The following CDC42BPG variants were observed in gnomAD, a reference collection of about 807,000 sequenced individuals.
The protein encoded by CDC42BPG is CDC42 binding protein kinase gamma, also known as serine/threonine-protein kinase MRCK gamma.
CDC42BPG carries 157 observed loss-of-function variants against 192.2 expected under a neutral mutation model. That is an observed-to-expected ratio of 0.82 (90% confidence interval 0.72 to 0.93). The LOEUF (loss-of-function observed/expected upper bound fraction) is 0.93, where lower values mean the gene tolerates loss of function less well. CDC42BPG is among the 40% of genes least tolerant of loss of function. The pLI, the probability that CDC42BPG is intolerant of heterozygous loss-of-function variation, is 0.00. For synonymous variants in CDC42BPG, 981 were observed against 918.5 expected, an observed-to-expected ratio of 1.07 and a Z score of -1.23; for missense variants, 1,992 against 2,122.1, an observed-to-expected ratio of 0.94 and a Z score of 1.20.
intron 13 of CDC42BPG, 41 bp downstream of exon 13, chr11:64,836,076 G>A (rs1565687745): frequency 1.1e-5 from 17 of 1,543,864 alleles, no homozygotes; most frequent in East Asian, 2.4e-5. Flanking sequence ...CACACTGGGG[G>A]CAGGGCCCAG....
chr11:64,838,149 G>A lies in CDC42BPG; in HGVS notation c.1139C>T (p.Pro380Leu), dbSNP rs149688117. The change falls in exon 9 of 37, where the codon CCG (proline) becomes CTG (leucine). Residue 380 changes from proline (P) to leucine (L), a missense_variant. Pro to Leu is a moderately conservative substitution (Grantham distance 98, BLOSUM62 -3). Transcript: ENST00000342711. Reference protein sequence around the residue: ...DTLNHPGTLPPPSHGAFSGHH... With the variant: ...DTLNHPGTLPLPSHGAFSGHH... ...GCCGGAGAAGGCCCCGTGGGAGGGC[G>A]GTGGCAGGGTCCCCTGCAGAGGGAG... The A allele has an allele frequency of 7.7e-5, 120 of 1,552,970 alleles. No homozygotes were observed. In the African/African-American group the frequency reaches 1.0e-3, roughly 13 times the overall value.
intron 28 of CDC42BPG, 85 bp downstream of exon 28, chr11:64,831,420 G>T: frequency 8.0e-7 from 1 of 1,255,386 alleles, no homozygotes; most frequent in Non-Finnish European, 1.1e-6. Flanking sequence ...GGAATGGGCA[G>T]TAGCAGTGGC....
intron 20 of CDC42BPG, 126 bp downstream of exon 20, chr11:64,834,140 T>C: frequency 7.3e-7 from 1 of 1,370,956 alleles, no homozygotes; most frequent in Middle Eastern, 2.5e-4. Context: ...GATGATGGAG[T>C]AAGCGGCAGA....
At position 64,831,233 on chromosome 11, in the gene CDC42BPG, A is replaced by AG. The variant is rs1942671328; in HGVS notation, c.3304+271_3304+272insC. 1.3e-5 allele frequency among the ~76,000 whole-genome samples: 2 copies of AG among 150,870 alleles called. 1 individual carries two copies. Among genetic ancestry groups the AG allele is most frequent in the South Asian group, 4.2e-4 (2 of 4,776 alleles). ...ACTCTGTCTCAAAAAAAGAAAAAGA[A>AG]AAAAAAAAAGCCTTTGTTCCTTCCA... On this transcript the variant is annotated intron_variant, in intron 28 of 36. Coordinates refer to ENST00000342711, the MANE Select transcript of CDC42BPG (RefSeq NM_017525.3).
At chr11:64,825,024 C>T (rs1257495369) in intron 36 of CDC42BPG, among the ~76,000 whole-genome samples, 6 of 152,104 alleles carry the variant, frequency 3.9e-5, no homozygotes, top group African/African-American at 1.4e-4. Context: ...TCAAGTGATT[C>T]TCCTGCCTCG....
Position 64,840,596 on chromosome 11 carries a change from C to T in CDC42BPG, c.389G>A (p.Trp130Ter). 6.2e-7 allele frequency: 1 copy of T among 1,613,970 alleles called. No individual in the cohort carries two copies. Among genetic ancestry groups the T allele is most frequent in the South Asian group, 1.1e-5 (1 of 91,092 alleles). The change falls in exon 4 of 37, where the codon TGG becomes TAG. Residue 130 changes from tryptophan to a stop codon, truncating the protein, a stop_gained. Coordinates refer to ENST00000342711, the MANE Select transcript of CDC42BPG (RefSeq NM_017525.3). LOFTEE classifies it high-confidence loss of function. ...RDVLVKGDSR[W>*]VTTLHYAFQD... ...GAAGGCATAGTGCAGAGTGGTCACC[C>T]AACGGCTGTCCCCTTTCACGAGCAC...
At chr11:64,841,994 G>A in intron 1 of CDC42BPG, 90 bp from the exon 2 acceptor site, 1 of 1,069,384 alleles carries the variant, frequency 9.4e-7, no homozygotes, top group Admixed American at 2.0e-5. Context: ...TGCCGCTCCT[G>A]TGAGCCCAGG....
rs368841374 is a variant in CDC42BPG at position 64,827,700 on chromosome 11, C to T, written c.4051G>A (p.Val1351Met). Reference protein sequence around the residue: ...DVRRAEWVQTVPLKKVRPLNP... With the variant: ...DVRRAEWVQTMPLKKVRPLNP... ...CGGACCCTCACCTTCTTGAGCGGCA[C>T]GGTCTGCACCCATTCTGCCCTCCTC... Residue 1351 changes from valine (V) to methionine (M), a missense_variant, in exon 31 of 37, where the codon GTG (valine) becomes ATG (methionine). By Grantham distance (21) the Val-to-Met change is conservative. This residue lies in a region of CDC42BPG where 1,656 missense variants were observed against 1,844.3 expected (regional missense o/e 0.90). Coordinates refer to ENST00000342711, the MANE Select transcript of CDC42BPG (RefSeq NM_017525.3). 2.5e-6 allele frequency: 4 copies of T among 1,611,800 alleles called. No individual in the cohort carries two copies. The highest frequency in any genetic ancestry group is 2.2e-5 in the South Asian group (2 of 90,876).
intron 3 of CDC42BPG, among the ~76,000 whole-genome samples, chr11:64,841,374 A>AC (rs1436642247): frequency 6.6e-6 from 1 of 150,506 alleles, no homozygotes; most frequent in African/African-American, 2.5e-5. Flanking sequence ...AATTACTTGA[A>AC]CTGGGAGGCG....
chr11:64,826,400 A>C, intron 36 of CDC42BPG, 70 bp downstream of exon 36: 1 of 1,045,984 alleles, frequency 9.6e-7, no homozygotes, highest in Non-Finnish European at 1.5e-6. Context: ...GTCACTGTGC[A>C]AGGCCTAGCA....
rs1592714146 is a variant in CDC42BPG, at chr11:64,837,074, C to T, written c.1206-55G>A. On this transcript the variant is annotated intron_variant, in intron 9 of 36. Transcript: ENST00000342711. The stretch of plus-strand genomic sequence containing the variant: ...GTAGAAACCTCACCCCACAGAGTCT[C>T]CTCCATCCTCCTGGACCGAATCACT... 6.7e-6 allele frequency: 9 copies of T among 1,344,220 alleles called. No individual in the cohort carries two copies. The South Asian group carries it at 1.0e-4, about 16-fold the overall frequency. 83.3% of individuals were successfully genotyped at this position (1,344,220 alleles called of 1,614,324 possible). A position where few individuals can be genotyped will look rare whatever the true frequency, so the allele number is the denominator to read the frequency against.
At position 64,844,451 on chromosome 11, in the gene CDC42BPG, G is replaced by A; in HGVS notation, c.119C>T (p.Pro40Leu). The A allele has an allele frequency of 6.8e-7, 1 of 1,474,480 alleles. No individual in the cohort carries two copies. 91.3% of individuals were successfully genotyped at this position (1,474,480 alleles called of 1,614,324 possible). A position where few individuals can be genotyped will look rare whatever the true frequency, so the allele number is the denominator to read the frequency against. ...LALHHELSSGPLRRERSVAQF... is the reference protein window; with the variant it reads ...LALHHELSSGLLRRERSVAQF... ...CGCCACGCTGCGCTCCCGCCGTAGG[G>A]GGCCGCTGCTGAGCTCGTGGTGCAG... The change falls in exon 1 of 37, where the codon CCC becomes CTC. Residue 40 changes from proline to leucine, a missense_variant. This residue lies in a region of CDC42BPG where 1,656 missense variants were observed against 1,844.3 expected (regional missense o/e 0.90). Transcript: ENST00000342711.
rs1163389991 is a variant in CDC42BPG at position 64,831,731 on chromosome 11, AG to A, written c.3088-11del. On this transcript the variant is annotated splice_polypyrimidine_tract_variant and intron_variant, in intron 27 of 36. Coordinates refer to ENST00000342711, the MANE Select transcript of CDC42BPG (RefSeq NM_017525.3). ...GCTGGGAGGTTGTCACCTGTGGGCAAGGACCCCAGCTGGAGGGCCGTGGACC... is the reference window on the plus strand; with the variant it reads ...GCTGGGAGGTTGTCACCTGTGGGCAAGACCCCAGCTGGAGGGCCGTGGACC... 1.9e-6 allele frequency: 3 copies of A among 1,579,802 alleles called. No homozygotes were observed. Among genetic ancestry groups the A allele is most frequent in the Non-Finnish European group, 1.7e-6 (2 of 1,166,658 alleles).
rs1284994980 is a variant in CDC42BPG at position 64,836,280 on chromosome 11, C to T, written c.1505G>A (p.Arg502Gln). ...DRLHRELAEG[R>Q]AGLQAQEQEL... is the part of the protein sequence containing the mutation. ...CTGCTCCTGAGCCTGCAGCCCTGCC[C>T]GACCCTCGGCCAGCTCCTGAGGAGG... The change falls in exon 13 of 37, where the codon CGG becomes CAG. Residue 502 changes from arginine (R) to glutamine (Q), a missense_variant. This residue lies in a region of CDC42BPG where 1,656 missense variants were observed against 1,844.3 expected (regional missense o/e 0.90). Coordinates refer to ENST00000342711, the MANE Select transcript of CDC42BPG (RefSeq NM_017525.3). 5.0e-6 allele frequency: 8 copies of T among 1,604,358 alleles called. No homozygotes were observed. The highest frequency in any genetic ancestry group is 2.2e-5 in the East Asian group (1 of 44,690).
Position 64,827,604 on chromosome 11 carries a change from GGCC to G in CDC42BPG, c.4070_4072del (p.Arg1357del), listed in dbSNP as rs1479917288. ...GAACAGGGAGCCCTCTGGATTGAGG[GGCC>G]GCACCTGAGGCAGCAGGCACAGCGG... On this transcript the variant is annotated inframe_deletion, in exon 32 of 37. Coordinates refer to ENST00000342711, the MANE Select transcript of CDC42BPG (RefSeq NM_017525.3). The G allele has an allele frequency of 6.2e-7, 1 of 1,608,496 alleles. No homozygotes were observed. The highest frequency in any genetic ancestry group is 1.1e-5 in the South Asian group (1 of 90,804).
intron 30 of CDC42BPG, among the ~76,000 whole-genome samples, chr11:64,828,538 C>T (rs1321468387): frequency 6.6e-6 from 1 of 152,190 alleles, no homozygotes; most frequent in African/African-American, 2.4e-5. Context: ...CAATGGTGAC[C>T]ACAGCAATCG....
chr11:64,836,950 C>T lies in CDC42BPG; in HGVS notation c.1275G>A (p.Glu425=), dbSNP rs139726105. The T allele has an allele frequency of 1.2e-6, 2 of 1,613,524 alleles. No homozygotes were observed. Among genetic ancestry groups the T allele is most frequent in the Non-Finnish European group, 1.7e-6 (2 of 1,179,982 alleles). The part of the protein sequence containing the change: ...LERKLQCLEQ[E]KVELSRKHQE... Reference sequence around the variant, plus strand: ...GGTGCTTCCTGCTCAGCTCCACCTTCTCCTGCTCCAGACACTGGAGCTTCC... The same window carrying T: ...GGTGCTTCCTGCTCAGCTCCACCTTTTCCTGCTCCAGACACTGGAGCTTCC... Residue 425 remains glutamate (E), a synonymous_variant, in exon 10 of 37, where the codon GAG becomes GAA. Coordinates refer to ENST00000342711, the MANE Select transcript of CDC42BPG (RefSeq NM_017525.3).
chr11:64,835,540 C>T lies in CDC42BPG; in HGVS notation c.1840G>A (p.Ala614Thr), dbSNP rs1395165915. 2.5e-6 allele frequency: 4 copies of T among 1,592,536 alleles called. No homozygotes were observed. In the African/African-American group the frequency reaches 5.4e-5, roughly 21 times the overall value. The change falls in exon 15 of 37, where the codon GCC (alanine) becomes ACC (threonine). Residue 614 changes from alanine (A) to threonine (T), a missense_variant. Ala to Thr is a moderately conservative substitution (Grantham distance 58). Around this residue, in one of 2 missense-constraint regions of CDC42BPG, gnomAD observed 1,656 missense variants for 1,844.3 expected, o/e 0.90. Coordinates refer to ENST00000342711, the MANE Select transcript of CDC42BPG (RefSeq NM_017525.3). ...TGCTCCAGCTGCTCTCGCAGGGCGG[C>T]CACCTCCTTCCTCAGTTGGGCCTCC... ...PQEAQLRKEV[A>T]ALREQLEQAH... is the part of the protein sequence containing the mutation.
rs1192864769 is a variant in CDC42BPG at position 64,836,705 on chromosome 11, C to CCGGGGGGGGGGGGGG, written c.1384+33_1384+34insCCCCCCCCCCCCCCG. 130 of 353,306 alleles carry CCGGGGGGGGGGGGGG rather than the reference C, an allele frequency of 3.7e-4. 39 individuals carry two copies. The highest frequency in any genetic ancestry group is 7.0e-4 in the South Asian group (21 of 30,146). The allele number at this position is 353,306 out of a possible 1,614,324, so 21.9% of individuals were successfully genotyped here. A position where few individuals can be genotyped will look rare whatever the true frequency, so the allele number is the denominator to read the frequency against. On this transcript the variant is annotated intron_variant, in intron 11 of 36. Coordinates refer to ENST00000342711, the MANE Select transcript of CDC42BPG (RefSeq NM_017525.3). The stretch of plus-strand genomic sequence containing the variant: ...ACCCGAGCCCAGGTGGGACTCAGCC[C>CCGGGGGGGGGGGGGG]TGGGGGGGGGGGGGGGGTGGGCGGA...
Sources: allele counts gnomAD v4.1 joint callset (sites outside exome capture counted in the v4.1 genomes callset), GRCh38; gene constraint gnomAD v4.1.1; regional missense constraint gnomAD v4.1.1; transcripts MANE v1.5; gene names NCBI Gene and HGNC (gene_info 2026-07-23, HGNC 2026-07-21).